Variants in GPR89A observed in about 807,000 individuals in gnomAD.
GPR89A encodes the protein golgi pH regulator A.
A neutral mutation model predicts 52.0 loss-of-function variants in GPR89A; 16 were observed. That is an observed-to-expected ratio of 0.31 (90% CI 0.21 to 0.47). GPR89A has a LOEUF of 0.47. Ranked by LOEUF, GPR89A falls within the 20% of genes least tolerant of loss-of-function variation. The pLI is 1.00. For synonymous variants in GPR89A, 55 were observed against 150.9 expected, an observed-to-expected ratio of 0.36 and a Z score of 4.66; for missense variants, 135 against 449.4, an observed-to-expected ratio of 0.30 and a Z score of 6.33.
chr1:145,626,166 C>T (rs1480046315), intron 5 of GPR89A, among the ~76,000 whole-genome samples: 1 of 150,700 alleles, frequency 6.6e-6, no homozygotes, highest in Admixed American at 6.6e-5. Flanking sequence ...CAGACAGACA[C>T]ATTTATCTGT....
At chr1:145,663,279 T>C (rs587697572) in intron 10 of GPR89A, 50 bp from the exon 11 acceptor site, 1 of 1,608,024 alleles carries the variant, frequency 6.2e-7, no homozygotes, top group African/African-American at 1.3e-5. Context: ...CTTTTTGAAA[T>C]AGTAAGTGAT....
At chr1:145,655,624 G>T (rs1651758894) in intron 10 of GPR89A, among the ~76,000 whole-genome samples, 1 of 152,178 alleles carries the variant, frequency 6.6e-6, no homozygotes. Flanking sequence ...CGCACCTGGA[G>T]GTATTACCAG....
chr1:145,627,759 C>T (rs1649614536), intron 5 of GPR89A, among the ~76,000 whole-genome samples: 3 of 150,238 alleles, frequency 2.0e-5, no homozygotes, highest in South Asian at 2.1e-4. Flanking sequence ...AGAAAAATGC[C>T]GATAATGTAG....
intron 12 of GPR89A, among the ~76,000 whole-genome samples, chr1:145,667,421 G>GT (rs1162679921): frequency 1.3e-4 from 19 of 151,772 alleles, no homozygotes; most frequent in Admixed American, 2.6e-4. Context: ...TGATGGGGTT[G>GT]TTTTTTTTCT....
intron 10 of GPR89A, among the ~76,000 whole-genome samples, chr1:145,648,990 G>A (rs747531726): frequency 6.6e-6 from 1 of 150,956 alleles, no homozygotes; most frequent in Non-Finnish European, 1.5e-5. Flanking sequence ...ATTTTTAGTA[G>A]AGACAGGGTT....
In GPR89A at chr1:145,608,052, C is replaced by A. The variant is rs1185298777; in HGVS notation, c.-82C>A. On this transcript the variant is annotated 5_prime_UTR_variant, in exon 1 of 14. Transcript: ENST00000313835. The stretch of plus-strand genomic sequence containing the variant: ...CTGCAGCACCTGGGAGAAGGCAGAC[C>A]GTGTGAGGGGGCCTGTGGCCCCAGC... 3.9e-6 allele frequency: 6 copies of A among 1,549,172 alleles called. No individual in the cohort carries two copies. The highest frequency in any genetic ancestry group is 2.3e-5 in the East Asian group (1 of 44,288).
chr1:145,619,189 G>C (rs1302918409), intron 3 of GPR89A, among the ~76,000 whole-genome samples: 1 of 151,626 alleles, frequency 6.6e-6, no homozygotes, highest in Non-Finnish European at 1.5e-5. Flanking sequence ...TGGCACTTGA[G>C]ACTTGTAGAG....
intron 1 of GPR89A, among the ~76,000 whole-genome samples, chr1:145,609,167 GTTC>G (rs1169405115): frequency 2.7e-4 from 41 of 152,254 alleles, no homozygotes; most frequent in African/African-American, 9.9e-4. Context: ...GTTTTTACTT[GTTC>G]TTTCTCTCAA....
intron 1 of GPR89A, among the ~76,000 whole-genome samples, chr1:145,610,780 G>A (rs1244611640): frequency 6.6e-6 from 1 of 152,050 alleles, no homozygotes; most frequent in Admixed American, 6.5e-5. Context: ...TTAAAAGGGT[G>A]AATAAATGAT....
intron 1 of GPR89A, among the ~76,000 whole-genome samples, chr1:145,611,984 C>G (rs1553686229): frequency 6.6e-6 from 1 of 152,014 alleles, no homozygotes; most frequent in Non-Finnish European, 1.5e-5. Context: ...TGGATCACTG[C>G]TATAGTTTGT....
chr1:145,668,048 A>T (rs1388947709), intron 12 of GPR89A, among the ~76,000 whole-genome samples: 4 of 152,220 alleles, frequency 2.6e-5, no homozygotes, highest in Non-Finnish European at 4.4e-5. Flanking sequence ...TTGACTTGGC[A>T]ATGCGGGCTC....
At chr1:145,640,191 TGGGCAACAGAGC>T (rs1273371479) in intron 7 of GPR89A, among the ~76,000 whole-genome samples, 1 of 127,758 alleles carries the variant, frequency 7.8e-6, no homozygotes, top group African/African-American at 3.0e-5. Flanking sequence ...CCCTCCAGCC[TGGGCAACAGAGC>T]GAGACTCCGT....
At chr1:145,620,346 G>T (rs1158750501) in intron 3 of GPR89A, among the ~76,000 whole-genome samples, 8 of 152,144 alleles carry the variant, frequency 5.3e-5, no homozygotes, top group African/African-American at 1.9e-4. Flanking sequence ...AAAGCAGGTG[G>T]CTGTGAGGCC....
chr1:145,621,908 C>CAAA (rs587599363), intron 3 of GPR89A, among the ~76,000 whole-genome samples: 3 of 137,822 alleles, frequency 2.2e-5, no homozygotes, highest in South Asian at 2.4e-4. Flanking sequence ...TGGCTATAAC[C>CAAA]AAAAAAAAAA....
At chr1:145,617,716 C>G (rs1223676601) in intron 2 of GPR89A, among the ~76,000 whole-genome samples, 1 of 152,024 alleles carries the variant, frequency 6.6e-6, no homozygotes, top group Non-Finnish European at 1.5e-5. Context: ...TCCCGCAACA[C>G]AAGGCTGGTG....
chr1:145,652,414 A>T (rs1268563210), intron 10 of GPR89A, among the ~76,000 whole-genome samples: 2 of 147,800 alleles, frequency 1.4e-5, no homozygotes, highest in South Asian at 2.2e-4. Flanking sequence ...TTTATTGAGG[A>T]TTTTCACATC....
intron 3 of GPR89A, among the ~76,000 whole-genome samples, chr1:145,619,738 G>A (rs587694423): frequency 6.6e-5 from 10 of 151,152 alleles, no homozygotes; most frequent in South Asian, 2.1e-4. Flanking sequence ...AACCTTGGCC[G>A]GGCACGGTGG....
At chr1:145,623,344 T>C in intron 4 of GPR89A, 184 bp downstream of exon 4, 2 of 577,758 alleles carry the variant, frequency 3.5e-6, no homozygotes, top group Non-Finnish European at 3.0e-6. Context: ...AAAATAAATA[T>C]TGAATGAATG....
intron 10 of GPR89A, among the ~76,000 whole-genome samples, chr1:145,649,626 G>A (rs2262352): frequency 6.6e-6 from 1 of 152,032 alleles, no homozygotes; most frequent in Non-Finnish European, 1.5e-5. Context: ...GTACAATTTT[G>A]TGTATAGACG....
Sources: gnomAD v4.1 joint callset for allele counts (sites outside exome capture counted in the v4.1 genomes callset) on GRCh38, gnomAD v4.1.1 for gene constraint, MANE v1.5 for transcripts, NCBI Gene and HGNC (gene_info 2026-07-23, HGNC 2026-07-21) for gene names.